Variants in USH2A observed in about 807,000 individuals in gnomAD.
The protein encoded by USH2A is Usher syndrome 2A (autosomal recessive, mild).
USH2A carries 443 observed loss-of-function variants against 538.9 expected under a neutral mutation model. The ratio of observed to expected loss-of-function variants is 0.82; its 90% CI spans 0.76 to 0.89. USH2A has a LOEUF of 0.89. Ranked by LOEUF, USH2A falls within the 40% of genes least tolerant of loss-of-function variation. The pLI is 0.00. For synonymous variants in USH2A, 2,413 were observed against 2,273.5 expected, an observed-to-expected ratio of 1.06 and a Z score of -1.75; for missense variants, 6,633 against 6,324.8, an observed-to-expected ratio of 1.05 and a Z score of -1.65.
rs1657982307 is a variant in USH2A at position 215,675,279 on chromosome 1, ATTT to A, written c.12629_12631del (p.Lys4210del). 3 of 1,613,926 alleles carry A rather than the reference ATTT, an allele frequency of 1.9e-6. No homozygotes were observed. On this transcript the variant is annotated inframe_deletion, in exon 63 of 72. Transcript: ENST00000307340. ...TTCAGTGTTATATTCTGTGAAAACA[ATTT>A]TCTCGTCGGCCTGGATTGTCTGATT... is the stretch of plus-strand genomic sequence containing the variant.
chr1:216,382,750 C>A (rs142310503), intron 3 of USH2A, among the ~76,000 whole-genome samples: 1 of 151,778 alleles, frequency 6.6e-6, no homozygotes, highest in Non-Finnish European at 1.5e-5. Context: ...AGAGTCTGAA[C>A]GGAAGAAGAA....
chr1:215,757,696 G>C (rs1052347750), intron 58 of USH2A, among the ~76,000 whole-genome samples: 15 of 152,096 alleles, frequency 9.9e-5, no homozygotes, highest in African/African-American at 3.1e-4. Flanking sequence ...ATGCAGTCAG[G>C]ATTTTACCTG....
At chr1:216,040,004 C>A (rs1350932215) in intron 32 of USH2A, among the ~76,000 whole-genome samples, 1 of 151,484 alleles carries the variant, frequency 6.6e-6, no homozygotes, top group South Asian at 2.1e-4. Context: ...TCCCCCTGCC[C>A]ACATCTGCCT....
Position 215,674,330 on chromosome 1 carries a change from G to A in USH2A, c.13581C>T (p.Thr4527=), listed in dbSNP as rs148184930. 8 of 1,613,882 alleles carry A rather than the reference G, an allele frequency of 5.0e-6. No individual in the cohort carries two copies. The highest frequency in any genetic ancestry group is 6.8e-6 in the Non-Finnish European group (8 of 1,179,890). Residue 4527 remains threonine, a synonymous_variant, in exon 63 of 72, where the codon ACC becomes ACT. Transcript: ENST00000307340. ...GILSPLVKDR[T]SPSAPSGMEP... ...CCATCCCTGAGGGTGCTGAGGGGCT[G>A]GTTCGATCTTTGACAAGAGGACTCA... is the stretch of plus-strand genomic sequence containing the variant.
At position 215,640,572 on chromosome 1, in the gene USH2A, C is replaced by T. The variant is rs773903324; in HGVS notation, c.14954G>A (p.Arg4985Lys). 7 of 1,613,898 alleles carry T rather than the reference C, an allele frequency of 4.3e-6. No individual in the cohort carries two copies. The South Asian group carries it at 6.6e-5, about 15-fold the overall frequency. ...SGLDTTLYIP[R>K]TADKTFFFQV... The stretch of plus-strand genomic sequence containing the variant: ...CAGAAACTAACTTTTGTCCGCCGTT[C>T]TCGGTATGTAGAGGGTGGTGTCCAA... The change falls in exon 68 of 72, where the codon AGA becomes AAA. Residue 4985 changes from arginine to lysine, a missense_variant. Arg to Lys is a conservative substitution (Grantham distance 26, BLOSUM62 2). Transcript: ENST00000307340.
chr1:216,016,936 T>A (rs1668725768), intron 32 of USH2A, among the ~76,000 whole-genome samples: 1 of 152,026 alleles, frequency 6.6e-6, no homozygotes, highest in Middle Eastern at 3.2e-3. Context: ...ATGATGCTTC[T>A]TCATTTCCCT....
At chr1:216,092,858 G>C (rs1356774874) in intron 22 of USH2A, among the ~76,000 whole-genome samples, 1 of 152,022 alleles carries the variant, frequency 6.6e-6, no homozygotes, top group Non-Finnish European at 1.5e-5. Context: ...TCACTTTCCT[G>C]AAAACTCAAG....
intron 64 of USH2A, among the ~76,000 whole-genome samples, chr1:215,652,480 A>G (rs552611439): frequency 6.6e-6 from 1 of 152,242 alleles, no homozygotes; most frequent in Non-Finnish European, 1.5e-5. Flanking sequence ...TGGTAAGCAC[A>G]GGGAAGTAAG....
intron 21 of USH2A, among the ~76,000 whole-genome samples, chr1:216,159,567 CACACAG>C (rs1303918422): frequency 2.6e-5 from 4 of 151,134 alleles, no homozygotes; most frequent in Admixed American, 2.6e-4. Context: ...CACACACACA[CACACAG>C]AGAATATTAG....
At chr1:215,858,681 T>G (rs1322542337) in intron 44 of USH2A, among the ~76,000 whole-genome samples, 2 of 151,882 alleles carry the variant, frequency 1.3e-5, no homozygotes, top group African/African-American at 4.8e-5. Flanking sequence ...GTTGTAACCT[T>G]TTTGGATAAG....
chr1:216,166,969 C>T (rs2034182232), intron 21 of USH2A, among the ~76,000 whole-genome samples: 1 of 152,068 alleles, frequency 6.6e-6, no homozygotes, highest in African/African-American at 2.4e-5. Context: ...GTTTCTTCCT[C>T]TCTCCTTCTG....
At position 215,674,116 on chromosome 1, in the gene USH2A, G is replaced by A; in HGVS notation, c.13795C>T (p.Leu4599=). The A allele has an allele frequency of 6.2e-7, 1 of 1,614,048 alleles. No individual in the cohort carries two copies. Among genetic ancestry groups the A allele is most frequent in the African/African-American group, 1.3e-5 (1 of 75,042 alleles). ...FGMQSYIVNQ[L]KPFHRYEIRI... ...GCTACCTACCTGTGAAATGGCTTCA[G>A]CTGGTTTACTATATATGACTGCATA... Residue 4599 remains leucine, a synonymous_variant, in exon 63 of 72, where the codon CTG becomes TTG. Coordinates refer to ENST00000307340, the MANE Select transcript of USH2A (RefSeq NM_206933.4).
chr1:215,877,999 A>C (rs1664819006), intron 42 of USH2A, 119 bp from the exon 43 acceptor site: 2 of 1,402,000 alleles, frequency 1.4e-6, no homozygotes, highest in Non-Finnish European at 2.0e-6. Flanking sequence ...AAAGAATAAC[A>C]TCTTAAGTTT....
At chr1:216,226,361 T>C (rs1227354314) in intron 14 of USH2A, among the ~76,000 whole-genome samples, 8 of 152,206 alleles carry the variant, frequency 5.3e-5, no homozygotes, top group Non-Finnish European at 7.3e-5. Flanking sequence ...TTAGTCAACA[T>C]TCCAATCTTT....
chr1:215,849,042 G>A (rs538565444), intron 44 of USH2A, among the ~76,000 whole-genome samples: 1 of 152,302 alleles, frequency 6.6e-6, no homozygotes, highest in East Asian at 1.9e-4. Flanking sequence ...ACAGCTGAAT[G>A]AAGAGGCAAG....
intron 14 of USH2A, among the ~76,000 whole-genome samples, chr1:216,227,106 T>G (rs1572068380): frequency 6.6e-6 from 1 of 152,336 alleles, no homozygotes; most frequent in African/African-American, 2.4e-5. Flanking sequence ...TGTCTTTTCC[T>G]TAACCCATTT....
At chr1:216,184,574 T>C (rs1440089826) in intron 20 of USH2A, among the ~76,000 whole-genome samples, 2 of 151,926 alleles carry the variant, frequency 1.3e-5, no homozygotes, top group Admixed American at 6.6e-5. Context: ...CATTCATAAC[T>C]AAGAACAAAG....
intron 49 of USH2A, among the ~76,000 whole-genome samples, chr1:215,803,663 G>T (rs984543020): frequency 5.3e-5 from 8 of 152,290 alleles, no homozygotes; most frequent in African/African-American, 1.9e-4. Context: ...AACATTCCAT[G>T]CTCATGGGTA....
chr1:216,327,584 T>G lies in USH2A; in HGVS notation c.848+7A>C. 6.2e-7 allele frequency: 1 copy of G among 1,613,098 alleles called. No individual in the cohort carries two copies. Among genetic ancestry groups the G allele is most frequent in the Non-Finnish European group, 8.5e-7 (1 of 1,179,378 alleles). On this transcript the variant is annotated splice_region_variant and intron_variant, in intron 5 of 71. Transcript: ENST00000307340. The stretch of plus-strand genomic sequence containing the variant: ...TTCTTGAGGTTTACAATGCAACATC[T>G]GCTTACCTGTTTGTAAGTGCCACTT...
Sources: allele counts gnomAD v4.1 joint callset (sites outside exome capture counted in the v4.1 genomes callset), GRCh38; gene constraint gnomAD v4.1.1; transcripts MANE v1.5; gene names NCBI Gene and HGNC (gene_info 2026-07-23, HGNC 2026-07-21).